MYO9A: variants seen among roughly 807,000 people sequenced by gnomAD.
MYO9A encodes the protein myosin IXA, also known as unconventional myosin-IXa.
Under a neutral mutation model 293.3 loss-of-function variants are expected in MYO9A, and 103 were observed. The observed-to-expected ratio is 0.35, with a 90% CI of 0.30 to 0.41. The LOEUF (loss-of-function observed/expected upper bound fraction) is 0.41, where lower values mean the gene tolerates loss of function less well. Ranked by LOEUF, MYO9A falls within the 10% of genes least tolerant of loss-of-function variation. The pLI is 1.00. For synonymous variants in MYO9A, 1,001 were observed against 1,035.7 expected (o/e 0.97, Z 0.64); for missense variants, 2,685 against 3,033.0 (o/e 0.89, Z 2.69).
chr15:71,930,825 C>T (rs1475379585), intron 18 of MYO9A, among the ~76,000 whole-genome samples: 2 of 152,146 alleles, frequency 1.3e-5, no homozygotes, highest in African/African-American at 2.4e-5. Flanking sequence ...AGCAGTATGA[C>T]TTCCATCCTT....
rs1026046538 is a variant in MYO9A, at chr15:71,898,229, T to G, written c.4274A>C (p.Gln1425Pro). ...NSLPTFFYIP[Q>P]QDPLKTNSQL... ...GGAATTTGTTTTCAGTGGGTCTTGTTGGGGGATATAAAAAAAAGTAGGTAG... is the reference window on the plus strand; with the variant it reads ...GGAATTTGTTTTCAGTGGGTCTTGTGGGGGGATATAAAAAAAAGTAGGTAG... Residue 1425 changes from glutamine (Q) to proline (P), a missense_variant, in exon 25 of 42, where the codon CAA becomes CCA. By Grantham distance (76) the Gln-to-Pro change is moderately conservative (BLOSUM62 -1). This residue lies in a region of MYO9A where 1,434 missense variants were observed against 1,497.7 expected (regional missense o/e 0.96). Coordinates refer to ENST00000356056, the MANE Select transcript of MYO9A (RefSeq NM_006901.4). The G allele has an allele frequency of 1.3e-5, 21 of 1,614,012 alleles. No individual in the cohort carries two copies. The highest frequency in any genetic ancestry group is 1.7e-5 in the Non-Finnish European group (20 of 1,180,024).
intron 34 of MYO9A, among the ~76,000 whole-genome samples, chr15:71,857,644 T>C (rs1261746926): frequency 6.6e-6 from 1 of 152,218 alleles, no homozygotes; most frequent in Admixed American, 6.5e-5. Context: ...AAATGTACTC[T>C]TTTGTCTCTA....
chr15:71,998,848 G>C (rs966083204), intron 9 of MYO9A, among the ~76,000 whole-genome samples: 1 of 151,984 alleles, frequency 6.6e-6, no homozygotes, highest in Non-Finnish European at 1.5e-5. Flanking sequence ...TTGTCCTTGC[G>C]ATAGTTTACT....
At chr15:72,030,525 T>C (rs995326639) in intron 3 of MYO9A, among the ~76,000 whole-genome samples, 14 of 151,980 alleles carry the variant, frequency 9.2e-5, no homozygotes, top group Non-Finnish European at 1.9e-4. Context: ...TATATACATA[T>C]ATATATGGTT....
chr15:72,003,703 CAA>C (rs397738256), intron 8 of MYO9A, among the ~76,000 whole-genome samples: 6 of 86,500 alleles, frequency 6.9e-5, no homozygotes, highest in South Asian at 3.8e-4. Context: ...GACTCCGTCT[CAA>C]AAAAAAAAAA....
At chr15:72,022,337 T>C (rs544762765) in intron 4 of MYO9A, among the ~76,000 whole-genome samples, 61 of 152,050 alleles carry the variant, frequency 4.0e-4, no homozygotes, top group Non-Finnish European at 6.8e-4. Context: ...CTGGTCAACA[T>C]GGTGAAACCC....
intron 1 of MYO9A, among the ~76,000 whole-genome samples, chr15:72,102,590 A>G (rs2080396199): frequency 6.6e-6 from 1 of 152,132 alleles, no homozygotes; most frequent in Non-Finnish European, 1.5e-5. Flanking sequence ...TAACAGATAT[A>G]TCAGAAAGCC....
chr15:71,864,352 A>T (rs1403100148), intron 32 of MYO9A, among the ~76,000 whole-genome samples: 1 of 152,208 alleles, frequency 6.6e-6, no homozygotes, highest in Admixed American at 6.5e-5. Context: ...AAGAATGTGG[A>T]TAGACTAGAA....
intron 33 of MYO9A, among the ~76,000 whole-genome samples, chr15:71,860,142 G>A (rs1452737951): frequency 2.0e-5 from 3 of 152,076 alleles, no homozygotes; most frequent in Non-Finnish European, 4.4e-5. Flanking sequence ...TAGTGTTCAT[G>A]TTCTACCACA....
At chr15:72,090,323 AT>A (rs775878075) in intron 1 of MYO9A, among the ~76,000 whole-genome samples, 8 of 152,316 alleles carry the variant, frequency 5.3e-5, no homozygotes, top group Admixed American at 2.0e-4. Context: ...TATACCATGC[AT>A]TTCTTAAAAA....
chr15:72,074,734 G>A (rs1200412950), intron 1 of MYO9A, among the ~76,000 whole-genome samples: 1 of 152,098 alleles, frequency 6.6e-6, no homozygotes, highest in African/African-American at 2.4e-5. Flanking sequence ...AGAGATCCCC[G>A]GAACTTAGCT....
chr15:71,973,037 A>G (rs2076053388), intron 12 of MYO9A, among the ~76,000 whole-genome samples: 2 of 152,216 alleles, frequency 1.3e-5, no homozygotes, highest in Non-Finnish European at 2.9e-5. Flanking sequence ...AATAGCTAAA[A>G]TGAAATTTAA....
chr15:72,099,940 G>T (rs984944484), intron 1 of MYO9A, among the ~76,000 whole-genome samples: 2 of 148,650 alleles, frequency 1.3e-5, no homozygotes, highest in African/African-American at 4.9e-5. Context: ...AAAAGCAAAG[G>T]ATCAGGAATG....
intron 3 of MYO9A, among the ~76,000 whole-genome samples, chr15:72,031,682 C>T (rs1289225398): frequency 6.6e-6 from 1 of 151,218 alleles, no homozygotes; most frequent in Non-Finnish European, 1.5e-5. Context: ...ATTTGCTGTA[C>T]TTTTCCACTT....
chr15:71,932,157 C>T (rs2058493350), intron 18 of MYO9A, among the ~76,000 whole-genome samples: 1 of 152,172 alleles, frequency 6.6e-6, no homozygotes, highest in South Asian at 2.1e-4. Context: ...GTTCCAGTTC[C>T]TTCTATCCTC....
At chr15:72,021,785 A>C (rs538285940) in intron 4 of MYO9A, among the ~76,000 whole-genome samples, 2 of 152,216 alleles carry the variant, frequency 1.3e-5, no homozygotes, top group African/African-American at 4.8e-5. Flanking sequence ...GGGAATCTAG[A>C]AGGTCATATG....
intron 2 of MYO9A, chr15:72,045,237 A>G (rs1189282151): frequency 6.6e-6 from 1 of 151,292 alleles, no homozygotes; most frequent in Admixed American, 6.6e-5. Flanking sequence ...TTATAGTTTA[A>G]TATCTGAAAT....
chr15:71,840,494 C>T (rs1425246948), intron 39 of MYO9A, among the ~76,000 whole-genome samples: 1 of 151,892 alleles, frequency 6.6e-6, no homozygotes, highest in Non-Finnish European at 1.5e-5. Flanking sequence ...AAGAAAATAT[C>T]CTCTTTCCCT....
Position 71,880,416 on chromosome 15 carries a change from A to G in MYO9A, c.5541T>C (p.Ser1847=). ...SVKISNVALD[S]MHWQNDSVQI... is the part of the protein sequence containing the mutation. ...GGACAGAGTCATTTTGCCAATGCATAGAATCCAAAGCCACGTTGCTAATCT... is the reference window on the plus strand; with the variant it reads ...GGACAGAGTCATTTTGCCAATGCATGGAATCCAAAGCCACGTTGCTAATCT... Residue 1847 remains serine, a synonymous_variant, in exon 29 of 42, where the codon TCT becomes TCC. Coordinates refer to ENST00000356056, the MANE Select transcript of MYO9A (RefSeq NM_006901.4). 6.2e-7 allele frequency: 1 copy of G among 1,614,224 alleles called. No individual in the cohort carries two copies. The highest frequency in any genetic ancestry group is 1.3e-5 in the African/African-American group (1 of 75,078).
Sources: allele counts gnomAD v4.1 joint callset (sites outside exome capture counted in the v4.1 genomes callset), GRCh38; gene constraint gnomAD v4.1.1; regional missense constraint gnomAD v4.1.1; transcripts MANE v1.5; gene names NCBI Gene and HGNC (gene_info 2026-07-23, HGNC 2026-07-21).